The following SPATA18 variants were observed in gnomAD, a reference collection of about 807,000 sequenced individuals.
SPATA18 encodes the protein mitochondria-eating protein.
SPATA18 carries 54 observed loss-of-function variants against 68.1 expected under a neutral mutation model. The observed-to-expected ratio is 0.79, with a 90% CI of 0.64 to 0.99. SPATA18 has a LOEUF of 0.99. Ranked by LOEUF, SPATA18 falls within the 50% of genes least tolerant of loss-of-function variation. The pLI, the probability that SPATA18 is intolerant of heterozygous loss-of-function variation, is 0.00. For missense variants in SPATA18, 724 were observed against 681.1 expected, an observed-to-expected ratio of 1.06 and a Z score of -0.70; for synonymous variants, 242 against 244.8, an observed-to-expected ratio of 0.99 and a Z score of 0.11.
At chr4:52,089,239 C>G (rs1741726181) in intron 11 of SPATA18, among the ~76,000 whole-genome samples, 1 of 152,138 alleles carries the variant, frequency 6.6e-6, no homozygotes, top group African/African-American at 2.4e-5. Context: ...AAACCAGCTC[C>G]TGGATTCATT....
chr4:52,076,874 G>T lies in SPATA18; in HGVS notation c.854G>T (p.Arg285Ile). ...ASPSTAVKVR[R>I]PSPNRSKLSN... ...CCCTCCACCGCTGTCAAGGTCAGGA[G>T]ACCGTCCCCAAACCGCTCCAAGCTG... The change falls in exon 7 of 13, where the codon AGA becomes ATA. Residue 285 changes from arginine to isoleucine, a missense_variant. Coordinates refer to ENST00000295213, the MANE Select transcript of SPATA18 (RefSeq NM_145263.4). The T allele has an allele frequency of 6.2e-7, 1 of 1,614,192 alleles. No homozygotes were observed. The highest frequency in any genetic ancestry group is 8.5e-7 in the Non-Finnish European group (1 of 1,180,024).
chr4:52,092,480 G>T (rs1742056100), intron 11 of SPATA18, among the ~76,000 whole-genome samples: 1 of 152,194 alleles, frequency 6.6e-6, no homozygotes, highest in African/African-American at 2.4e-5. Flanking sequence ...CTGGCCCTTT[G>T]CACTTCCCAG....
chr4:52,064,181 T>TTATATA (rs1739127086), intron 4 of SPATA18, among the ~76,000 whole-genome samples: 1 of 95,088 alleles, frequency 1.1e-5, no homozygotes, highest in Non-Finnish European at 2.8e-5. Context: ...TTCCTTCTCT[T>TTATATA]TCTATATATA....
At chr4:52,060,363 C>A in intron 1 of SPATA18, 56 bp from the exon 2 acceptor site, 1 of 1,449,598 alleles carries the variant, frequency 6.9e-7, no homozygotes, top group Non-Finnish European at 9.6e-7. Context: ...GGTCTGTCTG[C>A]AGTGGGTCCC....
intron 11 of SPATA18, among the ~76,000 whole-genome samples, chr4:52,091,857 C>T (rs1454059111): frequency 3.3e-5 from 5 of 152,186 alleles, no homozygotes; most frequent in African/African-American, 7.2e-5. Context: ...TTTAAGTCTG[C>T]TATAAGCCCC....
intron 9 of SPATA18, among the ~76,000 whole-genome samples, chr4:52,081,641 T>G (rs1310692829): frequency 6.6e-6 from 1 of 152,230 alleles, no homozygotes; most frequent in Admixed American, 6.5e-5. Context: ...CAGTGTTTAT[T>G]CATTTTGAAT....
intron 11 of SPATA18, among the ~76,000 whole-genome samples, chr4:52,092,538 C>G (rs1033779967): frequency 6.6e-6 from 1 of 152,204 alleles, no homozygotes; most frequent in Non-Finnish European, 1.5e-5. Context: ...ATGGGCTACA[C>G]CCTCTGTCCA....
rs375891935 is a variant in SPATA18, at chr4:52,060,860, T to C, written c.272T>C (p.Leu91Pro). 98 of 1,613,846 alleles carry C rather than the reference T, an allele frequency of 6.1e-5. No individual in the cohort carries two copies. Among genetic ancestry groups the C allele is most frequent in the Non-Finnish European group, 8.1e-5 (96 of 1,179,928 alleles). ...WLEASFTAAS[L>P]GKSVDSKVPS... ...GAGGCTTCCTTTACTGCTGCTTCCC[T>C]GGGAAAATCTGTTGACAGCAAGGTC... The change falls in exon 3 of 13, where the codon CTG becomes CCG. Residue 91 changes from leucine to proline, a missense_variant. Transcript: ENST00000295213.
At chr4:52,070,158 G>A (rs17084235) in intron 5 of SPATA18, among the ~76,000 whole-genome samples, 5,095 of 151,842 alleles carry the variant, frequency 0.034, 300 homozygotes, top group African/African-American at 0.12. Context: ...GCCAGTGACT[G>A]TTACCATTTT....
At position 52,059,864 on chromosome 4, in the gene SPATA18, G is replaced by A. The variant is rs778825884; in HGVS notation, c.88-555G>A. ...GGAACCAATAAAGCAGGTAAATTCG[G>A]CAGTCATTTGTATTGTCTTATAACA... On this transcript the variant is annotated intron_variant, in intron 1 of 12. Coordinates refer to ENST00000295213, the MANE Select transcript of SPATA18 (RefSeq NM_145263.4). 4.6e-5 allele frequency among the ~76,000 whole-genome samples: 7 copies of A among 152,180 alleles called. 1 individual carries two copies. The highest frequency in any genetic ancestry group is 8.8e-5 in the Non-Finnish European group (6 of 68,022).
At chr4:52,069,965 C>A in intron 5 of SPATA18, 49 bp downstream of exon 5, 1 of 1,346,212 alleles carries the variant, frequency 7.4e-7, no homozygotes, top group Non-Finnish European at 1.0e-6. Flanking sequence ...TTGAATTTAG[C>A]TTTTTTGGTG....
At chr4:52,069,188 G>A (rs1739584861) in intron 4 of SPATA18, among the ~76,000 whole-genome samples, 1 of 152,178 alleles carries the variant, frequency 6.6e-6, no homozygotes, top group Non-Finnish European at 1.5e-5. Flanking sequence ...TTTTAAACTA[G>A]ATAGACCTAA....
At chr4:52,054,281 C>T (rs1188121829) in intron 1 of SPATA18, among the ~76,000 whole-genome samples, 2 of 152,206 alleles carry the variant, frequency 1.3e-5, no homozygotes, top group Admixed American at 1.3e-4. Context: ...GGCATTTGCA[C>T]TCACTGTTTT....
At chr4:52,057,255 T>G (rs2109408092) in intron 1 of SPATA18, among the ~76,000 whole-genome samples, 1 of 152,254 alleles carries the variant, frequency 6.6e-6, no homozygotes, top group South Asian at 2.1e-4. Flanking sequence ...ACTCAATGAT[T>G]TATGAATGAA....
intron 6 of SPATA18, among the ~76,000 whole-genome samples, chr4:52,075,519 G>A (rs1194878539): frequency 6.6e-6 from 1 of 152,196 alleles, no homozygotes; most frequent in Admixed American, 6.5e-5. Flanking sequence ...CTTATAAAAT[G>A]TATGGCCAGA....
chr4:52,089,722 A>G (rs2109532373), intron 11 of SPATA18, among the ~76,000 whole-genome samples: 1 of 152,338 alleles, frequency 6.6e-6, no homozygotes, highest in Middle Eastern at 3.4e-3. Flanking sequence ...CAATTTTAGA[A>G]TAAGTGCTAT....
Position 52,094,955 on chromosome 4 carries a change from C to T in SPATA18, c.*68C>T. 6.3e-7 allele frequency: 1 copy of T among 1,581,946 alleles called. No homozygotes were observed. Among genetic ancestry groups the T allele is most frequent in the Non-Finnish European group, 8.7e-7 (1 of 1,150,828 alleles). On this transcript the variant is annotated 3_prime_UTR_variant, in exon 13 of 13. Transcript: ENST00000295213. ...TGCTTTCTCCAGTGCCGCCATCTGT[C>T]TTCTGTGTCTGCCTCAGACCTCACT... is the stretch of plus-strand genomic sequence containing the variant.
rs1742316524 is a variant in SPATA18, at chr4:52,095,060, T to C, written c.*173T>C. 2 of 687,950 alleles carry C rather than the reference T, an allele frequency of 2.9e-6. No individual in the cohort carries two copies. Among genetic ancestry groups the C allele is most frequent in the Admixed American group, 2.5e-5 (1 of 39,252 alleles). The allele number at this position is 687,950 out of a possible 1,614,324, so 42.6% of individuals were successfully genotyped here. A position where few individuals can be genotyped will look rare whatever the true frequency, so the allele number is the denominator to read the frequency against. On this transcript the variant is annotated 3_prime_UTR_variant, in exon 13 of 13. Transcript: ENST00000295213. ...TTTTGGCTTGGCGCATTTGTAACTT[T>C]AGATATATTGCATTCTATTTTATTT...
chr4:52,091,316 A>T (rs1560613765), intron 11 of SPATA18, among the ~76,000 whole-genome samples: 1 of 151,924 alleles, frequency 6.6e-6, no homozygotes, highest in Non-Finnish European at 1.5e-5. Context: ...TTCTCCATCC[A>T]GTTTTGTTCC....
Sources: gnomAD v4.1 joint callset for allele counts (sites outside exome capture counted in the v4.1 genomes callset) on GRCh38, gnomAD v4.1.1 for gene constraint, MANE v1.5 for transcripts, NCBI Gene and HGNC (gene_info 2026-07-23, HGNC 2026-07-21) for gene names.